The following ABCC8 variants were observed in gnomAD, a reference collection of about 807,000 sequenced individuals.
The protein encoded by ABCC8 is ATP binding cassette subfamily C member 8, also known as ATP-binding cassette sub-family C member 8.
ABCC8 carries 137 observed loss-of-function variants against 188.0 expected under a neutral mutation model. The ratio of observed to expected loss-of-function variants is 0.73; its 90% CI spans 0.63 to 0.84. The LOEUF is 0.84. ABCC8 is among the 40% of genes least tolerant of loss of function. The probability of loss-of-function intolerance (pLI) is 0.00; values close to 1 mark genes in which losing one functional copy is unlikely to be tolerated. For synonymous variants in ABCC8, 797 were observed against 846.5 expected, an observed-to-expected ratio of 0.94 and a Z score of 1.01; for missense variants, 1,750 against 2,072.7, an observed-to-expected ratio of 0.84 and a Z score of 3.02.
At chr11:17,393,309 T>A in intron 38 of ABCC8, 181 bp from the exon 39 acceptor site, 1 of 822,066 alleles carries the variant, frequency 1.2e-6, no homozygotes, top group Non-Finnish European at 1.9e-6. Flanking sequence ...CTCCATCTGC[T>A]AATACCACCC....
At position 17,448,516 on chromosome 11, in the gene ABCC8, C is replaced by T. The variant is rs760062120; in HGVS notation, c.1332G>A (p.Gln444=). Residue 444 remains glutamine, a splice_region_variant and synonymous_variant, in exon 8 of 39, where the codon CAG becomes CAA. Transcript: ENST00000389817. The part of the protein sequence containing the change: ...LCPNLWAMPV[Q]IIVGVILLYY... ...CCCTTCCCCTCAGCCCATCTAGTAC[C>T]TGTACTGGCATAGCCCAGAGGTTTG... The T allele has an allele frequency of 6.2e-7, 1 of 1,614,000 alleles. No homozygotes were observed. The highest frequency in any genetic ancestry group is 1.1e-5 in the South Asian group (1 of 91,076).
intron 3 of ABCC8, among the ~76,000 whole-genome samples, chr11:17,469,586 T>C (rs916349460): frequency 3.9e-5 from 6 of 152,086 alleles, no homozygotes; most frequent in Non-Finnish European, 7.4e-5. Flanking sequence ...CATCAGTTAT[T>C]GATGCCACAG....
rs1294138949 is a variant in ABCC8 at position 17,428,594 on chromosome 11, G to A, written c.1894C>T (p.Gln632Ter). The A allele has an allele frequency of 6.2e-7, 1 of 1,614,140 alleles. No homozygotes were observed. Among genetic ancestry groups the A allele is most frequent in the Non-Finnish European group, 8.5e-7 (1 of 1,180,032 alleles). Residue 632 changes from glutamine to a stop codon, truncating the protein, a stop_gained, in exon 13 of 39, where the codon CAG becomes TAG. Transcript: ENST00000389817. LOFTEE classifies it high-confidence loss of function. ...GCCTGGTACTTGCTGGCTGGGCCCT[G>A]AGGTGTGGGCTCATGGGGGGCACAC... ...EQCAPHEPTP[Q>*]GPASKYQAVP...
At chr11:17,431,220 T>G (rs1382205552) in intron 11 of ABCC8, among the ~76,000 whole-genome samples, 1 of 152,226 alleles carries the variant, frequency 6.6e-6, no homozygotes, top group Non-Finnish European at 1.5e-5. Flanking sequence ...CAGTCTTGGC[T>G]GGGAATAAGC....
chr11:17,408,481 C>G lies in ABCC8; in HGVS notation c.2731G>C (p.Gly911Arg). ...GACCTCTGGAAGTCCTTGAGGGTAC[C>G]CTCCCTCTGGATGGTGCCATCCTTC... ...AMKDGTIQRE[G>R]TLKDFQRSEC... The change falls in exon 23 of 39, where the codon GGT becomes CGT. Residue 911 changes from glycine to arginine, a missense_variant. Physicochemically the swap from Gly to Arg is moderately radical, Grantham distance 125. Coordinates refer to ENST00000389817, the MANE Select transcript of ABCC8 (RefSeq NM_000352.6). 6.2e-7 allele frequency: 1 copy of G among 1,613,606 alleles called. No individual in the cohort carries two copies. Among genetic ancestry groups the G allele is most frequent in the Non-Finnish European group, 8.5e-7 (1 of 1,179,996 alleles).
At chr11:17,443,690 T>C (rs915018470) in intron 8 of ABCC8, among the ~76,000 whole-genome samples, 4 of 152,146 alleles carry the variant, frequency 2.6e-5, no homozygotes, top group African/African-American at 9.7e-5. Flanking sequence ...GTTACTGTCA[T>C]TGGAAAAAAG....
intron 10 of ABCC8, among the ~76,000 whole-genome samples, chr11:17,440,700 T>C (rs115635666): frequency 0.011 from 1,650 of 152,388 alleles, 37 homozygotes; most frequent in African/African-American, 0.038. Flanking sequence ...GCCCAGCCAC[T>C]GATGACTGGA....
chr11:17,424,950 G>A (rs1364907913), intron 16 of ABCC8, among the ~76,000 whole-genome samples: 4 of 152,186 alleles, frequency 2.6e-5, no homozygotes, highest in African/African-American at 9.7e-5. Context: ...TGTTGACAAT[G>A]CACTTAGCAA....
Position 17,414,280 on chromosome 11 carries a change from C to T in ABCC8, c.2390+232G>A, listed in dbSNP as rs185636466. On this transcript the variant is annotated intron_variant, in intron 19 of 38. Transcript: ENST00000389817. Reference sequence around the variant, plus strand: ...GCTAGAGAAAAGGCAGCGGGGCTCTCTCCCTTCCCTCCATTCCTGCCCTCT... The same window carrying T: ...GCTAGAGAAAAGGCAGCGGGGCTCTTTCCCTTCCCTCCATTCCTGCCCTCT... Among the ~76,000 whole-genome samples the T allele has an allele frequency of 1.8e-3, 267 of 152,326 alleles. 1 individual carries two copies. The highest frequency in any genetic ancestry group is 6.2e-3 in the African/African-American group (257 of 41,574).
At chr11:17,397,831 G>T in intron 30 of ABCC8, 34 bp from the exon 31 acceptor site, 1 of 1,611,236 alleles carries the variant, frequency 6.2e-7, no homozygotes. Context: ...TGGGCGCTCA[G>T]GGGTTAGAGC....
chr11:17,475,296 C>T (rs1490121054), intron 1 of ABCC8, among the ~76,000 whole-genome samples: 1 of 152,238 alleles, frequency 6.6e-6, no homozygotes, highest in Non-Finnish European at 1.5e-5. Context: ...CGGCTCACTA[C>T]AGCCTTGATC....
chr11:17,453,952 A>G (rs1181664964), intron 6 of ABCC8, among the ~76,000 whole-genome samples: 1 of 152,172 alleles, frequency 6.6e-6, no homozygotes, highest in African/African-American at 2.4e-5. Context: ...CTTTGTTGCT[A>G]AAGATACCAG....
intron 6 of ABCC8, among the ~76,000 whole-genome samples, chr11:17,456,275 T>A (rs1237721907): frequency 6.6e-6 from 1 of 152,226 alleles, no homozygotes; most frequent in African/African-American, 2.4e-5. Flanking sequence ...AAGCCAATGA[T>A]CTTCATGCCC....
chr11:17,474,696 G>T (rs528597164), intron 2 of ABCC8, among the ~76,000 whole-genome samples, 190 bp downstream of exon 2: 1 of 152,290 alleles, frequency 6.6e-6, no homozygotes, highest in East Asian at 1.9e-4. Context: ...TGGACTGATG[G>T]CAGGGCCTGG....
chr11:17,451,792 T>A (rs1440276719), intron 7 of ABCC8, among the ~76,000 whole-genome samples: 1 of 152,234 alleles, frequency 6.6e-6, no homozygotes, highest in African/African-American at 2.4e-5. Flanking sequence ...ACCAAGCTCT[T>A]TCTAGACTCT....
intron 20 of ABCC8, 194 bp from the exon 21 acceptor site, chr11:17,412,940 A>G: frequency 8.0e-7 from 1 of 1,251,178 alleles, no homozygotes; most frequent in Non-Finnish European, 1.1e-6. Flanking sequence ...ATGAGCCCCA[A>G]GTCTTTAAAG....
At chr11:17,433,735 G>T (rs756778217) in intron 10 of ABCC8, among the ~76,000 whole-genome samples, 11 of 152,238 alleles carry the variant, frequency 7.2e-5, no homozygotes, top group Non-Finnish European at 4.4e-5. Context: ...CAAGGCTCCT[G>T]CAATTGGAGA....
At position 17,404,773 on chromosome 11, in the gene ABCC8, T is replaced by G; in HGVS notation, c.3400-104A>C. On this transcript the variant is annotated intron_variant, in intron 27 of 38. Coordinates refer to ENST00000389817, the MANE Select transcript of ABCC8 (RefSeq NM_000352.6). This position sits in a 1 kb window ranked among gnomAD's most constrained non-coding sequence, Gnocchi z 4.7. ...GCTCTCACTTTATTTTTTGATCCTT[T>G]ATTTTTTTGAGACTGAGTCTCACTG... is the stretch of plus-strand genomic sequence containing the variant. 6.7e-7 allele frequency: 1 copy of G among 1,498,872 alleles called. No individual in the cohort carries two copies. Among genetic ancestry groups the G allele is most frequent in the Non-Finnish European group, 9.0e-7 (1 of 1,105,350 alleles). The allele number at this position is 1,498,872 out of a possible 1,614,324, so 92.8% of individuals were successfully genotyped here. A position where few individuals can be genotyped will look rare whatever the true frequency, so the allele number is the denominator to read the frequency against.
chr11:17,459,317 A>G (rs1381024561), intron 6 of ABCC8, among the ~76,000 whole-genome samples: 3 of 152,224 alleles, frequency 2.0e-5, no homozygotes, highest in Non-Finnish European at 4.4e-5. Flanking sequence ...GTGGCTGTTA[A>G]TATTGTTAAT....
Sources: gnomAD v4.1 joint callset for allele counts (sites outside exome capture counted in the v4.1 genomes callset) on GRCh38, gnomAD v4.1.1 for gene constraint, Gnocchi (gnomAD v3.1) non-coding constraint, MANE v1.5 for transcripts, NCBI Gene and HGNC (gene_info 2026-07-23, HGNC 2026-07-21) for gene names.